Variants in PHACTR1 observed in about 807,000 individuals in gnomAD.
PHACTR1 encodes phosphatase and actin regulator 1, also known as RPEL repeat containing 1.
A neutral mutation model predicts 69.2 loss-of-function variants in PHACTR1; 16 were observed. The ratio of observed to expected loss-of-function variants is 0.23; its 90% confidence interval spans 0.16 to 0.35. The LOEUF is 0.35. PHACTR1 is among the 10% of genes least tolerant of loss of function. The pLI is 1.00. For missense variants in PHACTR1, 510 were observed against 734.7 expected (o/e 0.69, Z 3.54); for synonymous variants, 312 against 284.5 (o/e 1.10, Z -0.97).
intron 4 of PHACTR1, among the ~76,000 whole-genome samples, chr6:12,961,720 A>G (rs1792756303): frequency 6.6e-6 from 1 of 152,234 alleles, no homozygotes; most frequent in South Asian, 2.1e-4. Flanking sequence ...CTGCCATAAC[A>G]AAATACTACT....
intron 5 of PHACTR1, among the ~76,000 whole-genome samples, chr6:13,074,633 C>G (rs1351717180): frequency 6.6e-6 from 1 of 152,104 alleles, no homozygotes; most frequent in African/African-American, 2.4e-5. Flanking sequence ...GGAATTTAAC[C>G]TACATATATA....
At chr6:13,058,660 C>T (rs1807166898) in intron 5 of PHACTR1, among the ~76,000 whole-genome samples, 1 of 152,128 alleles carries the variant, frequency 6.6e-6, no homozygotes, top group South Asian at 2.1e-4. Flanking sequence ...AGAGGGGGGA[C>T]TTCACTTAGT....
At chr6:13,228,828 G>T (rs895169195) in intron 9 of PHACTR1, among the ~76,000 whole-genome samples, 25 of 152,214 alleles carry the variant, frequency 1.6e-4, no homozygotes, top group Admixed American at 1.3e-4. Flanking sequence ...CTGCTAAGGG[G>T]CAACGCTGGG....
At chr6:12,743,752 C>T (rs1003340565) in intron 3 of PHACTR1, among the ~76,000 whole-genome samples, 66 of 152,258 alleles carry the variant, frequency 4.3e-4, no homozygotes, top group African/African-American at 1.5e-3. Context: ...ATCAACGAGA[C>T]AGAAAGTTAA....
At position 13,231,092 on chromosome 6, in the gene PHACTR1, AAGG is replaced by A. The variant is rs1562037192; in HGVS notation, c.1391+901_1391+903del. On this transcript the variant is annotated intron_variant, in intron 10 of 14. Coordinates refer to ENST00000332995, the MANE Select transcript of PHACTR1 (RefSeq NM_030948.6). ...GGAAGGAAGGAAGGAAGGAAGAAGG[AAGG>A]AAGGGAAAAGAAAGAAGGAAAGAGA... is the stretch of plus-strand genomic sequence containing the variant. 9.7e-3 allele frequency among the ~76,000 whole-genome samples: 678 copies of A among 69,758 alleles called. 89 individuals are homozygous for A. Among genetic ancestry groups the A allele is most frequent in the Middle Eastern group, 0.048 (5 of 104 alleles). 45.8% of individuals were successfully genotyped at this position (69,758 alleles called of 152,430 possible).
chr6:13,160,280 T>C lies in PHACTR1; in HGVS notation c.492T>C (p.Asp164=). The change falls in exon 6 of 15, where the codon GAT becomes GAC. Residue 164 remains aspartate (D), a synonymous_variant. Coordinates refer to ENST00000332995, the MANE Select transcript of PHACTR1 (RefSeq NM_030948.6). The part of the protein sequence containing the change: ...IKRGVLKEIY[D]KDGELSISNE... ...GAGGAGTCCTGAAGGAAATCTATGA[T>C]AAAGGTAAGGAGGATTGGTCTGTCA... 6.2e-7 allele frequency: 1 copy of C among 1,612,970 alleles called. No individual in the cohort carries two copies. Among genetic ancestry groups the C allele is most frequent in the Non-Finnish European group, 8.5e-7 (1 of 1,179,118 alleles).
intron 3 of PHACTR1, among the ~76,000 whole-genome samples, chr6:12,736,274 T>C (rs1764243747): frequency 6.6e-6 from 1 of 152,206 alleles, no homozygotes; most frequent in Non-Finnish European, 1.5e-5. Context: ...ATTTTGTAGC[T>C]TTTCATGAAT....
At chr6:13,260,063 G>C (rs1364759638) in intron 10 of PHACTR1, among the ~76,000 whole-genome samples, 2 of 152,164 alleles carry the variant, frequency 1.3e-5, no homozygotes, top group Admixed American at 1.3e-4. Flanking sequence ...CCAGGGGCGA[G>C]AGATTATTAA....
intron 5 of PHACTR1, among the ~76,000 whole-genome samples, chr6:13,098,143 G>A (rs778140350): frequency 1.3e-5 from 2 of 152,134 alleles, no homozygotes; most frequent in Non-Finnish European, 2.9e-5. Context: ...GCTACTAGTA[G>A]TTTCACCTCT....
At chr6:12,952,688 T>A (rs1295127279) in intron 4 of PHACTR1, among the ~76,000 whole-genome samples, 2 of 152,206 alleles carry the variant, frequency 1.3e-5, no homozygotes, top group Non-Finnish European at 2.9e-5. Context: ...TGTGCAGATT[T>A]TTGTGTGGAC....
At chr6:12,825,901 TGAAAA>T (rs143787723) in intron 4 of PHACTR1, among the ~76,000 whole-genome samples, 1,548 of 151,914 alleles carry the variant, frequency 0.01, 16 homozygotes, top group African/African-American at 0.022. Context: ...AAATAACACA[TGAAAA>T]GAAAAGAAAA....
intron 4 of PHACTR1, among the ~76,000 whole-genome samples, chr6:13,040,655 G>A (rs1366061676): frequency 6.6e-6 from 1 of 152,082 alleles, no homozygotes. Context: ...CACCACCCTC[G>A]TGTGAGATTC....
chr6:13,091,182 A>C (rs1309397236), intron 5 of PHACTR1, among the ~76,000 whole-genome samples: 3 of 152,072 alleles, frequency 2.0e-5, no homozygotes, highest in Admixed American at 2.0e-4. Flanking sequence ...TATTTTTAGT[A>C]GAGACGGGTT....
intron 4 of PHACTR1, among the ~76,000 whole-genome samples, chr6:12,765,051 T>C (rs1189746033): frequency 6.6e-6 from 1 of 152,148 alleles, no homozygotes; most frequent in Non-Finnish European, 1.5e-5. Context: ...TTCAGAGTTA[T>C]TAGAATTTGG....
At chr6:12,997,082 T>A (rs2127616072) in intron 4 of PHACTR1, among the ~76,000 whole-genome samples, 1 of 151,898 alleles carries the variant, frequency 6.6e-6, no homozygotes, top group East Asian at 1.9e-4. Context: ...GGAGAATCGC[T>A]TGAACCTGGG....
At chr6:13,050,648 T>G (rs1805805597) in intron 4 of PHACTR1, among the ~76,000 whole-genome samples, 1 of 152,166 alleles carries the variant, frequency 6.6e-6, no homozygotes, top group South Asian at 2.1e-4. Flanking sequence ...GCAAATTTCC[T>G]CTCAATAGTT....
chr6:13,181,217 A>T (rs1762137547), intron 6 of PHACTR1, among the ~76,000 whole-genome samples: 1 of 152,086 alleles, frequency 6.6e-6, no homozygotes, highest in African/African-American at 2.4e-5. Context: ...TGGGCCAAGG[A>T]GGGATTCTGT....
At chr6:12,853,773 G>T (rs1461420997) in intron 4 of PHACTR1, among the ~76,000 whole-genome samples, 1 of 152,122 alleles carries the variant, frequency 6.6e-6, no homozygotes, top group Non-Finnish European at 1.5e-5. Flanking sequence ...GGGGGAAACT[G>T]CCCCCCTGAT....
At chr6:12,954,996 C>T (rs2127557721) in intron 4 of PHACTR1, among the ~76,000 whole-genome samples, 1 of 152,146 alleles carries the variant, frequency 6.6e-6, no homozygotes, top group South Asian at 2.1e-4. Flanking sequence ...GTATAAAACA[C>T]TTACCAATAT....
Sources: allele counts gnomAD v4.1 joint callset (sites outside exome capture counted in the v4.1 genomes callset), GRCh38; gene constraint gnomAD v4.1.1; transcripts MANE v1.5; gene names NCBI Gene and HGNC (gene_info 2026-07-23, HGNC 2026-07-21).